FBN1: variants seen among roughly 807,000 people sequenced by gnomAD.
FBN1 encodes the protein fibrillin 1.
FBN1 carries 29 observed loss-of-function variants against 365.1 expected under a neutral mutation model. The ratio of observed to expected loss-of-function variants is 0.08; its 90% CI spans 0.06 to 0.11. The LOEUF is 0.11. Ranked by LOEUF, FBN1 falls within the 10% of genes least tolerant of loss-of-function variation. FBN1 has a pLI of 1.00. For missense variants in FBN1, 2,476 were observed against 3,703.2 expected, an observed-to-expected ratio of 0.67 and a Z score of 8.60; for synonymous variants, 1,210 against 1,270.5, an observed-to-expected ratio of 0.95 and a Z score of 1.01.
chr15:48,506,848 T>C (rs1200474530), intron 15 of FBN1, among the ~76,000 whole-genome samples: 2 of 152,152 alleles, frequency 1.3e-5, no homozygotes, highest in African/African-American at 4.8e-5. Context: ...TTAGTCTTAT[T>C]ACAGTGTGTG....
chr15:48,487,768 AG>A (rs1161620141), intron 27 of FBN1, among the ~76,000 whole-genome samples: 1 of 152,240 alleles, frequency 6.6e-6, no homozygotes, highest in African/African-American at 2.4e-5. Flanking sequence ...CCAGACCTAA[AG>A]CAACAAGTTT....
chr15:48,629,963 C>T (rs1889953550), intron 2 of FBN1, among the ~76,000 whole-genome samples: 1 of 152,204 alleles, frequency 6.6e-6, no homozygotes, highest in South Asian at 2.1e-4. Flanking sequence ...ACAGTCCAAT[C>T]CCAACATGTG....
chr15:48,419,235 G>A (rs1457435215), intron 63 of FBN1, among the ~76,000 whole-genome samples: 1 of 152,130 alleles, frequency 6.6e-6, no homozygotes, highest in Non-Finnish European at 1.5e-5. Flanking sequence ...TGTCCAGCCA[G>A]GAGATGATCT....
rs572754741 is a variant in FBN1 at position 48,437,352 on chromosome 15, T to C, written c.6349A>G (p.Ile2117Val). ...FRQICPYGSGIIVGPDDSAVD... is the reference protein window; with the variant it reads ...FRQICPYGSGVIVGPDDSAVD... Reference sequence around the variant, plus strand: ...GCTGAATCATCAGGTCCCACGATGATCCCACTTCCATAAGGACATATCTGG... The same window carrying C: ...GCTGAATCATCAGGTCCCACGATGACCCCACTTCCATAAGGACATATCTGG... Residue 2117 changes from isoleucine to valine, a missense_variant, in exon 52 of 66, where the codon ATC becomes GTC. Physicochemically the swap from Ile to Val is conservative, Grantham distance 29. Transcript: ENST00000316623. 3.7e-6 allele frequency: 6 copies of C among 1,613,636 alleles called. No homozygotes were observed. In the African/African-American group the frequency reaches 8.0e-5, roughly 22 times the overall value.
intron 8 of FBN1, 55 bp downstream of exon 8, chr15:48,534,025 T>G: frequency 6.2e-7 from 1 of 1,610,914 alleles, no homozygotes; most frequent in Non-Finnish European, 8.5e-7. Context: ...TTTCTAATGT[T>G]GAGTTTTGCC....
At chr15:48,441,913 C>A in intron 49 of FBN1, 67 bp from the exon 50 acceptor site, 1 of 1,558,804 alleles carries the variant, frequency 6.4e-7, no homozygotes, top group South Asian at 1.1e-5. Context: ...ACCAAACACA[C>A]AATGTGGACA....
At chr15:48,581,200 C>G (rs2044389502) in intron 6 of FBN1, among the ~76,000 whole-genome samples, 1 of 152,150 alleles carries the variant, frequency 6.6e-6, no homozygotes, top group Non-Finnish European at 1.5e-5. Flanking sequence ...GTCAAAACTC[C>G]CTGTTCTCAA....
chr15:48,553,449 A>T (rs1200148593), intron 6 of FBN1, among the ~76,000 whole-genome samples: 1 of 152,248 alleles, frequency 6.6e-6, no homozygotes, highest in African/African-American at 2.4e-5. Context: ...CCCGGGAGAC[A>T]GTAAAAGGTA....
At chr15:48,549,855 T>C (rs2044128029) in intron 6 of FBN1, among the ~76,000 whole-genome samples, 1 of 151,976 alleles carries the variant, frequency 6.6e-6, no homozygotes, top group Admixed American at 6.6e-5. Context: ...ACGACTCCAG[T>C]TCTCCCCTTC....
chr15:48,452,598 G>C lies in FBN1; in HGVS notation c.5509C>G (p.Pro1837Ala). 6.2e-7 allele frequency: 1 copy of C among 1,614,172 alleles called. No individual in the cohort carries two copies. The highest frequency in any genetic ancestry group is 8.5e-7 in the Non-Finnish European group (1 of 1,180,006). Residue 1837 changes from proline (P) to alanine (A), a missense_variant, in exon 45 of 66, where the codon CCC becomes GCC. Around this residue, in one of 5 missense-constraint regions of FBN1, gnomAD observed 1,780 missense variants for 2,840.8 expected, o/e 0.63. Coordinates refer to ENST00000316623, the MANE Select transcript of FBN1 (RefSeq NM_000138.5). Reference protein sequence around the residue: ...TAGSYRCDCKPGYRFTSTGQC... With the variant: ...TAGSYRCDCKAGYRFTSTGQC... The stretch of plus-strand genomic sequence containing the variant: ...CCTGTGGAGGTGAAGCGGTAGCCGG[G>C]CTTACAGTCACAGCGGTAGCTGCCT...
intron 31 of FBN1, 122 bp downstream of exon 31, chr15:48,483,696 C>T (rs1597560137): frequency 6.3e-6 from 7 of 1,104,184 alleles, no homozygotes; most frequent in Admixed American, 5.5e-5. Flanking sequence ...GAGTATTGTG[C>T]CTCTAAATAT....
At chr15:48,480,715 C>T (rs559754689) in intron 32 of FBN1, among the ~76,000 whole-genome samples, 7 of 152,264 alleles carry the variant, frequency 4.6e-5, no homozygotes, top group African/African-American at 1.7e-4. Context: ...ATTTGCCCCA[C>T]TGCCAATCTG....
At chr15:48,576,620 C>G (rs1255491488) in intron 6 of FBN1, among the ~76,000 whole-genome samples, 3 of 152,184 alleles carry the variant, frequency 2.0e-5, no homozygotes, top group Non-Finnish European at 4.4e-5. Flanking sequence ...AAATGAATTT[C>G]TGGCTTAAAA....
At chr15:48,448,674 T>C (rs1179903106) in intron 46 of FBN1, 94 bp downstream of exon 46, 1 of 1,231,710 alleles carries the variant, frequency 8.1e-7, no homozygotes. Context: ...GCAAAAATAC[T>C]ACTAAAAGAC....
chr15:48,527,589 C>T (rs1375279453), intron 8 of FBN1, among the ~76,000 whole-genome samples: 2 of 152,232 alleles, frequency 1.3e-5, no homozygotes, highest in South Asian at 2.1e-4. Context: ...AGGCTAAGTA[C>T]TCTCTTCATT....
At position 48,444,929 on chromosome 15, in the gene FBN1, T is replaced by TAA. The variant is rs10656611; in HGVS notation, c.5918-270_5918-269insTT. On this transcript the variant is annotated intron_variant, in intron 48 of 65. Transcript: ENST00000316623. The stretch of plus-strand genomic sequence containing the variant: ...AGCATGTGAAAAGTCAGTGAGTATA[T>TAA]AGATTTTAAGGATACTCAAAAGATA... 0.9 allele frequency among the ~76,000 whole-genome samples: 135,594 copies of TAA among 151,420 alleles called. 60,807 individuals are homozygous for TAA. Among genetic ancestry groups the TAA allele is most frequent in the East Asian group, 0.97 (4,989 of 5,166 alleles).
chr15:48,626,187 G>T (rs1889873421), intron 2 of FBN1, among the ~76,000 whole-genome samples: 1 of 151,396 alleles, frequency 6.6e-6, no homozygotes, highest in Non-Finnish European at 1.5e-5. Flanking sequence ...AGCCCAGGAG[G>T]TTGAGGCTAG....
rs766501385 is a variant in FBN1 at position 48,456,719 on chromosome 15, T to G, written c.5340A>C (p.Gly1780=). Residue 1780 remains glycine, a synonymous_variant, in exon 44 of 66, where the codon GGA becomes GGC. Transcript: ENST00000316623. ...AGCTGCCAACCATGTTGATACACAC[T>G]CCATTTTCACAGACCCCTGGGATCT... ...CREIPGVCEN[G]VCINMVGSFR... 1.9e-6 allele frequency: 3 copies of G among 1,613,768 alleles called. No homozygotes were observed. Among genetic ancestry groups the G allele is most frequent in the Admixed American group, 3.3e-5 (2 of 60,008 alleles).
chr15:48,451,282 T>C (rs1366664208), intron 45 of FBN1, among the ~76,000 whole-genome samples: 1 of 152,206 alleles, frequency 6.6e-6, no homozygotes, highest in Non-Finnish European at 1.5e-5. Context: ...GAAATATAAA[T>C]TATGAGCAAA....
Sources: gnomAD v4.1 joint callset for allele counts (sites outside exome capture counted in the v4.1 genomes callset) on GRCh38, gnomAD v4.1.1 for gene constraint, gnomAD v4.1.1 regional missense constraint, MANE v1.5 for transcripts, NCBI Gene and HGNC (gene_info 2026-07-23, HGNC 2026-07-21) for gene names.